The following PCDHGA12 variants were observed in gnomAD, a reference collection of about 807,000 sequenced individuals.
PCDHGA12 encodes the protein protocadherin gamma-A12.
A neutral mutation model predicts 61.1 loss-of-function variants in PCDHGA12; 43 were observed. That is an observed-to-expected ratio of 0.70 (90% CI 0.55 to 0.91). The LOEUF is 0.91. PCDHGA12 is among the 40% of genes least tolerant of loss of function. PCDHGA12 has a pLI of 0.00. For missense variants in PCDHGA12, 1,236 were observed against 1,227.7 expected (o/e 1.01, Z -0.10); for synonymous variants, 520 against 542.9 (o/e 0.96, Z 0.59).
At chr5:141,475,571 G>A (rs1426547386) in intron 1 of PCDHGA12, among the ~76,000 whole-genome samples, 1 of 152,212 alleles carries the variant, frequency 6.6e-6, no homozygotes, top group East Asian at 1.9e-4. Context: ...CTTCCAACAA[G>A]CCAGATTTGT....
In PCDHGA12 at chr5:141,489,255, A is replaced by G. The variant is rs909780010; in HGVS notation, c.2425-5552A>G. 2 of 1,548,804 alleles carry G rather than the reference A, an allele frequency of 1.3e-6. No individual in the cohort carries two copies. Among genetic ancestry groups the G allele is most frequent in the Non-Finnish European group, 1.7e-6 (2 of 1,147,848 alleles). On this transcript the variant is annotated intron_variant, in intron 1 of 3. Coordinates refer to ENST00000252085, the MANE Select transcript of PCDHGA12 (RefSeq NM_003735.3). The surrounding 1 kb of genome is among the most constrained non-coding windows in gnomAD (Gnocchi z 4.5). ...ACTTCTGGGTCATGGGGCCCAAGAC[A>G]CTCCCACAGCTCGCTGGGAAATGGC...
chr5:141,502,468 C>A (rs1007796183), intron 2 of PCDHGA12, among the ~76,000 whole-genome samples: 6 of 151,190 alleles, frequency 4.0e-5, no homozygotes, highest in Non-Finnish European at 8.8e-5. Flanking sequence ...GGAATACTTC[C>A]CGCAGCATCA....
rs1257565821 is a variant in PCDHGA12, at chr5:141,487,319, C to G, written c.2425-7488C>G. ...ATTCGTGGCACTACTCTCTAAGTGTCTTCGTGGGGCAGCCTGTGGAGTCAC... is the reference window on the plus strand; with the variant it reads ...ATTCGTGGCACTACTCTCTAAGTGTGTTCGTGGGGCAGCCTGTGGAGTCAC... On this transcript the variant is annotated intron_variant, in intron 1 of 3. Transcript: ENST00000252085. The surrounding 1 kb of genome is among the most constrained non-coding windows in gnomAD (Gnocchi z 5.0). The G allele has an allele frequency of 6.2e-7, 1 of 1,614,052 alleles. No homozygotes were observed. The highest frequency in any genetic ancestry group is 1.3e-5 in the African/African-American group (1 of 74,930).
In PCDHGA12 at chr5:141,491,707, G is replaced by A. The variant is rs1337506934; in HGVS notation, c.2425-3100G>A. ...GCTGCGGGAGCGGAGCCAGGTGAGG[G>A]GCTCGGCGCCGCCCCGGGCGACCCC... On this transcript the variant is annotated intron_variant, in intron 1 of 3. Transcript: ENST00000252085. The surrounding 1 kb of genome is among the most constrained non-coding windows in gnomAD (Gnocchi z 6.9). The A allele has an allele frequency of 6.2e-6, 10 of 1,610,604 alleles. No homozygotes were observed. Among genetic ancestry groups the A allele is most frequent in the Admixed American group, 1.7e-5 (1 of 59,554 alleles).
chr5:141,467,907 C>A (rs1166486426), intron 1 of PCDHGA12, among the ~76,000 whole-genome samples: 1 of 152,156 alleles, frequency 6.6e-6, no homozygotes, highest in Non-Finnish European at 1.5e-5. Flanking sequence ...AATCCGCCCA[C>A]CTCAGCCTCC....
At chr5:141,435,446 G>C (rs889481920) in intron 1 of PCDHGA12, among the ~76,000 whole-genome samples, 5 of 152,060 alleles carry the variant, frequency 3.3e-5, no homozygotes, top group African/African-American at 2.4e-5. Context: ...TCATTAATAC[G>C]ATATCTGTAT....
chr5:141,509,303 G>A (rs911736752), intron 3 of PCDHGA12, among the ~76,000 whole-genome samples: 1 of 152,210 alleles, frequency 6.6e-6, no homozygotes, highest in Admixed American at 6.5e-5. Context: ...GGAGGCAGAG[G>A]GAGGCTGGGA....
Position 141,487,418 on chromosome 5 carries a change from A to T in PCDHGA12, c.2425-7389A>T. ...GGAGGGGCTTCCCCCTTCCAATGGG[A>T]TCCTCCGAATCCAGCTAGGGTCAGA... On this transcript the variant is annotated intron_variant, in intron 1 of 3. Transcript: ENST00000252085. The surrounding 1 kb of genome is among the most constrained non-coding windows in gnomAD (Gnocchi z 5.0). The T allele has an allele frequency of 6.2e-7, 1 of 1,614,060 alleles. No homozygotes were observed. The highest frequency in any genetic ancestry group is 8.5e-7 in the Non-Finnish European group (1 of 1,179,998).
intron 1 of PCDHGA12, among the ~76,000 whole-genome samples, chr5:141,450,363 T>C (rs2098678373): frequency 6.6e-6 from 1 of 152,162 alleles, no homozygotes; most frequent in Admixed American, 6.5e-5. Flanking sequence ...TTCCTCAGCC[T>C]TGTTTGTTTA....
chr5:141,438,807 G>A (rs956766683), intron 1 of PCDHGA12, among the ~76,000 whole-genome samples: 13 of 149,270 alleles, frequency 8.7e-5, no homozygotes, highest in African/African-American at 1.7e-4. Context: ...GATTACAGGC[G>A]CCTGTCACCA....
chr5:141,441,836 C>T (rs1026890754), intron 1 of PCDHGA12: 2 of 354,006 alleles, frequency 5.6e-6, no homozygotes, highest in Non-Finnish European at 1.1e-5. Flanking sequence ...AATGGCTTCG[C>T]GCTCTTGGAT....
chr5:141,455,401 A>G (rs1252870027), intron 1 of PCDHGA12, among the ~76,000 whole-genome samples: 1 of 152,158 alleles, frequency 6.6e-6, no homozygotes, highest in Non-Finnish European at 1.5e-5. Context: ...TCCCCCTTAC[A>G]GAGACAGAGG....
At chr5:141,462,596 A>G (rs1260411284) in intron 1 of PCDHGA12, among the ~76,000 whole-genome samples, 5 of 151,922 alleles carry the variant, frequency 3.3e-5, no homozygotes, top group African/African-American at 1.2e-4. Flanking sequence ...TTTCCATTTC[A>G]TATATTGTAT....
rs553462245 is a variant in PCDHGA12 at position 141,511,198 on chromosome 5, A to T, written c.*25A>T. Reference sequence around the variant, plus strand: ...ACATGGAGGCCAGGCCAAGAGCCACAGGGCGGCCTCTCCCCAACCAGCCCA... The same window carrying T: ...ACATGGAGGCCAGGCCAAGAGCCACTGGGCGGCCTCTCCCCAACCAGCCCA... On this transcript the variant is annotated 3_prime_UTR_variant, in exon 4 of 4. Transcript: ENST00000252085. The T allele has an allele frequency of 2.7e-5, 43 of 1,612,954 alleles. 1 individual carries two copies. The South Asian group carries it at 4.5e-4, about 17-fold the overall frequency.
At chr5:141,488,070 C>A (rs777154469) in intron 1 of PCDHGA12, among the ~76,000 whole-genome samples, 3 of 152,076 alleles carry the variant, frequency 2.0e-5, no homozygotes, top group Non-Finnish European at 1.5e-5. Context: ...TCTTTGTCTC[C>A]CAGTATCTAG....
intron 1 of PCDHGA12, among the ~76,000 whole-genome samples, chr5:141,437,499 CA>C (rs2097890101): frequency 6.6e-6 from 1 of 152,076 alleles, no homozygotes; most frequent in African/African-American, 2.4e-5. Context: ...GATCACTTTT[CA>C]ATGAATTATA....
In PCDHGA12 at chr5:141,430,992, A is replaced by G. The variant is rs1223969128; in HGVS notation, c.233A>G (p.Asn78Ser). The change falls in exon 1 of 4, where the codon AAT becomes AGT. Residue 78 changes from asparagine to serine, a missense_variant. Transcript: ENST00000252085. ...PRGRTQLFAL[N>S]PRSGSLVTAG... ...GGTAGGACGCAGCTTTTCGCCCTGA[A>G]TCCGCGCAGCGGCAGCTTGGTCACG... The G allele has an allele frequency of 1.2e-6, 2 of 1,613,824 alleles. No individual in the cohort carries two copies. The highest frequency in any genetic ancestry group is 3.3e-5 in the Admixed American group (2 of 59,974).
In PCDHGA12 at chr5:141,477,085, G is replaced by A. The variant is rs1420972762; in HGVS notation, c.2425-17722G>A. On this transcript the variant is annotated intron_variant, in intron 1 of 3. Coordinates refer to ENST00000252085, the MANE Select transcript of PCDHGA12 (RefSeq NM_003735.3). This position sits in a 1 kb window ranked among gnomAD's most constrained non-coding sequence, Gnocchi z 4.9. ...CCAAACTCCATGAGATTTACATCCAGGCCAAAGACAAGGGCGCCAATCCCG... is the reference window on the plus strand; with the variant it reads ...CCAAACTCCATGAGATTTACATCCAAGCCAAAGACAAGGGCGCCAATCCCG... 1 of 1,614,262 alleles carries A rather than the reference G, an allele frequency of 6.2e-7. No individual in the cohort carries two copies. The highest frequency in any genetic ancestry group is 1.7e-5 in the Admixed American group (1 of 60,034).
At position 141,485,062 on chromosome 5, in the gene PCDHGA12, C is replaced by A; in HGVS notation, c.2425-9745C>A. 1 of 876,340 alleles carries A rather than the reference C, an allele frequency of 1.1e-6. No individual in the cohort carries two copies. Among genetic ancestry groups the A allele is most frequent in the African/African-American group, 1.7e-5 (1 of 59,510 alleles). The allele number at this position is 876,340 out of a possible 1,614,324, so 54.3% of individuals were successfully genotyped here. On this transcript the variant is annotated intron_variant, in intron 1 of 3. Coordinates refer to ENST00000252085, the MANE Select transcript of PCDHGA12 (RefSeq NM_003735.3). This position sits in a 1 kb window ranked among gnomAD's most constrained non-coding sequence, Gnocchi z 5.7. ...CCTTGCGGCGCCGGCCGAACCGCGC[C>A]AGAGCTGGCGCGGGGAAAGGGAGAT...
Sources: gnomAD v4.1 joint callset for allele counts (sites outside exome capture counted in the v4.1 genomes callset) on GRCh38, gnomAD v4.1.1 for gene constraint, Gnocchi (gnomAD v3.1) non-coding constraint, MANE v1.5 for transcripts, NCBI Gene and HGNC (gene_info 2026-07-23, HGNC 2026-07-21) for gene names.